The following PDE8B variants were observed in gnomAD, a reference collection of about 807,000 sequenced individuals.
The protein encoded by PDE8B is high affinity cAMP-specific and IBMX-insensitive 3',5'-cyclic phosphodiesterase 8B.
PDE8B carries 26 observed loss-of-function variants against 101.3 expected under a neutral mutation model. The observed-to-expected ratio is 0.26, with a 90% CI of 0.19 to 0.36. The LOEUF (loss-of-function observed/expected upper bound fraction) is 0.36, where lower values mean the gene tolerates loss of function less well. Ranked by LOEUF, PDE8B falls within the 10% of genes least tolerant of loss-of-function variation. The probability of loss-of-function intolerance (pLI) is 1.00; values close to 1 mark genes in which losing one functional copy is unlikely to be tolerated. For synonymous variants in PDE8B, 424 were observed against 429.3 expected, an observed-to-expected ratio of 0.99 and a Z score of 0.15; for missense variants, 810 against 1,163.1, an observed-to-expected ratio of 0.70 and a Z score of 4.42.
At chr5:77,188,016 G>A in the PDE8B span, among the ~76,000 whole-genome samples, 1 of 152,184 alleles carries the variant, frequency 6.6e-6, no homozygotes, top group African/African-American at 2.4e-5. Flanking sequence ...TAAAGAGTAG[G>A]AGAACATGAC....
chr5:77,423,551 T>G (rs1349569062), intron 20 of PDE8B, among the ~76,000 whole-genome samples: 1 of 152,076 alleles, frequency 6.6e-6, no homozygotes, highest in Non-Finnish European at 1.5e-5. Flanking sequence ...TTAATAGCCA[T>G]TCTGACTAGT....
chr5:77,400,034 C>T (rs747571121), intron 10 of PDE8B, among the ~76,000 whole-genome samples: 2 of 152,188 alleles, frequency 1.3e-5, no homozygotes, highest in Non-Finnish European at 2.9e-5. Context: ...CCTTCCTGCT[C>T]TCAGGCTCAG....
intron 2 of PDE8B, among the ~76,000 whole-genome samples, chr5:77,318,300 G>A (rs1385636404): frequency 6.6e-6 from 1 of 152,102 alleles, no homozygotes; most frequent in Non-Finnish European, 1.5e-5. Flanking sequence ...GCTGCTACCA[G>A]GTTGTGTCTT....
At chr5:77,230,338 A>C (rs972748737) in intron 1 of PDE8B, among the ~76,000 whole-genome samples, 1 of 152,234 alleles carries the variant, frequency 6.6e-6, no homozygotes, top group African/African-American at 2.4e-5. Context: ...TTAGCTCAGG[A>C]AGCCAAAGTA....
intron 5 of PDE8B, among the ~76,000 whole-genome samples, chr5:77,336,165 T>C (rs564763673): frequency 1.3e-5 from 2 of 152,332 alleles, no homozygotes; most frequent in South Asian, 2.1e-4. Flanking sequence ...GTTCATTCAT[T>C]CACTAAGTTT....
At chr5:77,390,410 G>A (rs1789663913) in intron 10 of PDE8B, among the ~76,000 whole-genome samples, 1 of 152,192 alleles carries the variant, frequency 6.6e-6, no homozygotes, top group South Asian at 2.1e-4. Flanking sequence ...AGCTTCACAG[G>A]CCAAGGAGAG....
chr5:77,370,912 C>T (rs1232448340), intron 10 of PDE8B, among the ~76,000 whole-genome samples: 3 of 152,132 alleles, frequency 2.0e-5, no homozygotes, highest in African/African-American at 4.8e-5. Context: ...AACAATTTTT[C>T]GTGTGCTATT....
intron 17 of PDE8B, among the ~76,000 whole-genome samples, chr5:77,414,837 C>T (rs1027362604): frequency 2.0e-5 from 3 of 151,738 alleles, no homozygotes; most frequent in African/African-American, 7.3e-5. Context: ...GATCAATAGC[C>T]TCTGCAGTCT....
At chr5:77,279,440 G>A (rs925051051) in intron 1 of PDE8B, among the ~76,000 whole-genome samples, 2 of 152,176 alleles carry the variant, frequency 1.3e-5, no homozygotes, top group African/African-American at 4.8e-5. Context: ...GATGCCATAA[G>A]CATTGGAAAG....
At chr5:77,347,309 C>T (rs1051108533) in intron 7 of PDE8B, among the ~76,000 whole-genome samples, 1 of 152,136 alleles carries the variant, frequency 6.6e-6, no homozygotes, top group Admixed American at 6.5e-5. Context: ...GTCCATGGTT[C>T]TGTAGCTGGT....
chr5:77,418,097 C>T, intron 17 of PDE8B, 132 bp from the exon 18 acceptor site: 1 of 712,852 alleles, frequency 1.4e-6, no homozygotes. Flanking sequence ...ACATCTAGGT[C>T]AGAAGGCTCA....
the PDE8B span, among the ~76,000 whole-genome samples, chr5:77,097,732 T>TATATATACAC: frequency 3.1e-5 from 2 of 65,236 alleles, no homozygotes; most frequent in African/African-American, 7.9e-5. Flanking sequence ...TATATATATA[T>TATATATACAC]ACATACATAT....
At chr5:77,292,041 T>C (rs1767481554) in intron 1 of PDE8B, among the ~76,000 whole-genome samples, 1 of 152,142 alleles carries the variant, frequency 6.6e-6, no homozygotes, top group East Asian at 1.9e-4. Flanking sequence ...CATTGGCAGC[T>C]TTAGTTCTCC....
At chr5:77,161,584 A>G in the PDE8B span, among the ~76,000 whole-genome samples, 7 of 152,160 alleles carry the variant, frequency 4.6e-5, no homozygotes, top group African/African-American at 1.7e-4. Flanking sequence ...TTTTGTGGAC[A>G]TACATTTTCA....
At chr5:77,105,767 G>C in the PDE8B span, 3 of 152,184 alleles carry the variant, frequency 2.0e-5, no homozygotes, top group East Asian at 5.8e-4. Flanking sequence ...CTCCTACCAG[G>C]ACTGTCTGAG....
At chr5:77,419,709 A>G (rs1298464370) in intron 18 of PDE8B, 58 bp from the exon 19 acceptor site, 1 of 1,605,048 alleles carries the variant, frequency 6.2e-7, no homozygotes, top group South Asian at 1.1e-5. Context: ...ATGGTGGCAG[A>G]ATAGTTATAA....
the PDE8B span, among the ~76,000 whole-genome samples, chr5:77,204,583 T>A: frequency 4.6e-5 from 7 of 152,122 alleles, no homozygotes; most frequent in Non-Finnish European, 1.0e-4. Flanking sequence ...TCTTCCACCT[T>A]CATTTCTTTT....
intron 10 of PDE8B, among the ~76,000 whole-genome samples, chr5:77,366,769 C>T (rs4703731): frequency 0.39 from 59,713 of 152,022 alleles, 12,627 homozygotes; most frequent in African/African-American, 0.54. Context: ...GAGACATGTT[C>T]TATATTAGGA....
At chr5:77,193,610 T>C in the PDE8B span, among the ~76,000 whole-genome samples, 1 of 152,130 alleles carries the variant, frequency 6.6e-6, no homozygotes, top group African/African-American at 2.4e-5. Context: ...GCACTGTTTG[T>C]CTTCTTTGTT....
Sources: gnomAD v4.1 joint callset for allele counts (sites outside exome capture counted in the v4.1 genomes callset) on GRCh38, gnomAD v4.1.1 for gene constraint, MANE v1.5 for transcripts, NCBI Gene and HGNC (gene_info 2026-07-23, HGNC 2026-07-21) for gene names.